ERC1: variants seen among roughly 807,000 people sequenced by gnomAD.
ERC1 encodes the protein ELKS/RAB6-interacting/CAST family member 1, also known as RAB6 interacting protein 2.
A neutral mutation model predicts 132.0 loss-of-function variants in ERC1; 56 were observed. The observed-to-expected ratio is 0.42, with a 90% CI of 0.34 to 0.53. ERC1 has a LOEUF of 0.53. Ranked by LOEUF, ERC1 falls within the 20% of genes least tolerant of loss-of-function variation. The probability of loss-of-function intolerance (pLI) is 0.03; values close to 1 mark genes in which losing one functional copy is unlikely to be tolerated. For synonymous variants in ERC1, 478 were observed against 476.1 expected, an observed-to-expected ratio of 1.00 and a Z score of -0.05; for missense variants, 1,202 against 1,349.9, an observed-to-expected ratio of 0.89 and a Z score of 1.72.
At chr12:1,188,821 G>A (rs908764078) in intron 11 of ERC1, among the ~76,000 whole-genome samples, 1 of 151,724 alleles carries the variant, frequency 6.6e-6, no homozygotes, top group African/African-American at 2.4e-5. Context: ...CCATTTTAAG[G>A]GACTAAATAT....
At chr12:1,030,064 G>T (rs1194018445) in intron 2 of ERC1, among the ~76,000 whole-genome samples, 1 of 152,100 alleles carries the variant, frequency 6.6e-6, no homozygotes, top group Non-Finnish European at 1.5e-5. Context: ...TTGTTTAAAA[G>T]ACTTTTAGAA....
At chr12:1,235,895 G>T (rs2075380125) in intron 12 of ERC1, among the ~76,000 whole-genome samples, 1 of 152,128 alleles carries the variant, frequency 6.6e-6, no homozygotes, top group Admixed American at 6.5e-5. Context: ...CAAGAAGATG[G>T]AAACAATGCA....
chr12:1,389,214 A>G (rs532211477), intron 16 of ERC1, among the ~76,000 whole-genome samples: 12 of 152,208 alleles, frequency 7.9e-5, no homozygotes, highest in Non-Finnish European at 1.2e-4. Flanking sequence ...GCTTATTTTT[A>G]GTAGAGTTGA....
chr12:1,299,858 A>G (rs992129506), intron 15 of ERC1, among the ~76,000 whole-genome samples: 2 of 152,190 alleles, frequency 1.3e-5, no homozygotes, highest in Non-Finnish European at 2.9e-5. Context: ...ATTTTGAGCA[A>G]ACTTATACCA....
intron 2 of ERC1, among the ~76,000 whole-genome samples, chr12:1,059,703 A>G (rs1973650504): frequency 6.6e-6 from 1 of 151,732 alleles, no homozygotes; most frequent in Non-Finnish European, 1.5e-5. Flanking sequence ...GTCTTGGTGT[A>G]TTGTCTTTTG....
intron 14 of ERC1, among the ~76,000 whole-genome samples, chr12:1,264,143 A>C (rs1189633179): frequency 6.6e-6 from 1 of 152,236 alleles, no homozygotes; most frequent in East Asian, 1.9e-4. Flanking sequence ...GAAACCATGC[A>C]CTTGAGTCCC....
At chr12:1,490,052 G>A (rs781389838) in intron 18 of ERC1, 41 bp from the exon 19 acceptor site, 3 of 1,601,936 alleles carry the variant, frequency 1.9e-6, no homozygotes, top group South Asian at 2.2e-5. Context: ...AGTGCAAATG[G>A]GATTGTTGTA....
At position 1,371,883 on chromosome 12, in the gene ERC1, T is replaced by C; in HGVS notation, c.2831T>C (p.Leu944Pro). 6.2e-7 allele frequency: 1 copy of C among 1,614,148 alleles called. No homozygotes were observed. The highest frequency in any genetic ancestry group is 8.5e-7 in the Non-Finnish European group (1 of 1,180,028). Residue 944 changes from leucine to proline, a missense_variant, in exon 16 of 19, where the codon CTC becomes CCC. Transcript: ENST00000360905. ...AISEKDANIA[L>P]LELSSSKKKT... is the part of the protein sequence containing the mutation. ...AGTGAAAAAGACGCCAATATAGCTC[T>C]CTTGGAGCTTTCGTCCTCTAAGAAG... is the stretch of plus-strand genomic sequence containing the variant.
At chr12:1,174,661 A>G (rs1008248268) in intron 8 of ERC1, among the ~76,000 whole-genome samples, 3 of 152,246 alleles carry the variant, frequency 2.0e-5, no homozygotes, top group Non-Finnish European at 2.9e-5. Context: ...CTTATTATGC[A>G]TGTAAGGGGT....
intron 14 of ERC1, among the ~76,000 whole-genome samples, chr12:1,281,887 C>T (rs2078702705): frequency 6.6e-6 from 1 of 152,044 alleles, no homozygotes; most frequent in East Asian, 1.9e-4. Flanking sequence ...ATCAGTGACG[C>T]AAGATACTGA....
At chr12:1,237,678 C>T in intron 13 of ERC1, among the ~76,000 whole-genome samples, 1 of 152,218 alleles carries the variant, frequency 6.6e-6, no homozygotes, top group East Asian at 1.9e-4. Context: ...TTCTAAATGG[C>T]TCAGCCATGA....
In ERC1 at chr12:1,154,299, G is replaced by A. The variant is rs561514063; in HGVS notation, c.1737+12512G>A. 9.0e-5 allele frequency among the ~76,000 whole-genome samples: 13 copies of A among 144,758 alleles called. No individual in the cohort carries two copies. In the South Asian group the frequency reaches 2.2e-3, roughly 24 times the overall value. 95.0% of individuals were successfully genotyped at this position (144,758 alleles called of 152,430 possible). On this transcript the variant is annotated intron_variant, in intron 8 of 18. Transcript: ENST00000360905. ...TATACATGTATATATACACACACAC[G>A]TGCATATATATGTGTGTGTGTATAT... is the stretch of plus-strand genomic sequence containing the variant.
chr12:1,060,800 A>G (rs1464511712), intron 2 of ERC1, among the ~76,000 whole-genome samples: 1 of 147,474 alleles, frequency 6.8e-6, no homozygotes, highest in Non-Finnish European at 1.5e-5. Context: ...ATCTCGGCTC[A>G]CTGCAAGCTC....
chr12:1,477,705 A>T (rs1340359733), intron 18 of ERC1, among the ~76,000 whole-genome samples: 1 of 152,164 alleles, frequency 6.6e-6, no homozygotes. Context: ...TCATATAGCA[A>T]ATTCTTGGAA....
chr12:1,083,638 A>C, intron 3 of ERC1, 58 bp downstream of exon 3: 1 of 1,348,700 alleles, frequency 7.4e-7, no homozygotes. Flanking sequence ...TTCACTGATT[A>C]ATCAGCATCT....
intron 2 of ERC1, among the ~76,000 whole-genome samples, chr12:1,076,583 C>G (rs1194889980): frequency 6.6e-6 from 1 of 151,864 alleles, no homozygotes; most frequent in Non-Finnish European, 1.5e-5. Context: ...TTGGTAGAAA[C>G]GGGGTTTCAC....
At chr12:1,481,193 A>C (rs914226941) in intron 18 of ERC1, among the ~76,000 whole-genome samples, 2 of 152,246 alleles carry the variant, frequency 1.3e-5, no homozygotes, top group Non-Finnish European at 1.5e-5. Context: ...AGGGTAATTG[A>C]AACCGTGGAA....
At chr12:1,320,743 C>A (rs948519665) in intron 15 of ERC1, among the ~76,000 whole-genome samples, 1 of 152,080 alleles carries the variant, frequency 6.6e-6, no homozygotes, top group Non-Finnish European at 1.5e-5. Context: ...ACTCTGTCGC[C>A]CAGGCTGGAG....
chr12:1,154,004 C>G (rs1294274600), intron 8 of ERC1, among the ~76,000 whole-genome samples: 1 of 152,126 alleles, frequency 6.6e-6, no homozygotes, highest in Non-Finnish European at 1.5e-5. Context: ...TCCCCCTGCT[C>G]TGAGTCTCTA....
Sources: gnomAD v4.1 joint callset for allele counts (sites outside exome capture counted in the v4.1 genomes callset) on GRCh38, gnomAD v4.1.1 for gene constraint, MANE v1.5 for transcripts, NCBI Gene and HGNC (gene_info 2026-07-23, HGNC 2026-07-21) for gene names.